The following DMXL2 variants were observed in gnomAD, a reference collection of about 807,000 sequenced individuals.
The protein encoded by DMXL2 is Dmx like 2.
In DMXL2, 103 loss-of-function variants were observed where a neutral mutation model predicts 331.1. The observed-to-expected ratio is 0.31, with a 90% confidence interval of 0.27 to 0.37. DMXL2 has a LOEUF of 0.37. Ranked by LOEUF, DMXL2 falls within the 10% of genes least tolerant of loss-of-function variation. The pLI, the probability that DMXL2 is intolerant of heterozygous loss-of-function variation, is 1.00. For synonymous variants in DMXL2, 1,281 were observed against 1,252.1 expected (o/e 1.02, Z -0.49); for missense variants, 3,171 against 3,642.9 (o/e 0.87, Z 3.33).
At chr15:51,449,368 T>A (rs532664993) in intron 43 of DMXL2, among the ~76,000 whole-genome samples, 175 bp from the exon 44 acceptor site, 145 of 152,318 alleles carry the variant, frequency 9.5e-4, no homozygotes, top group Non-Finnish European at 1.8e-3. Context: ...CACGATTCAT[T>A]TACTGTCCTC....
At chr15:51,589,037 C>T (rs2052084465) in intron 1 of DMXL2, among the ~76,000 whole-genome samples, 1 of 152,172 alleles carries the variant, frequency 6.6e-6, no homozygotes, top group Non-Finnish European at 1.5e-5. Context: ...CCCCTCCTCA[C>T]AGATGGCAGA....
intron 12 of DMXL2, among the ~76,000 whole-genome samples, 157 bp downstream of exon 12, chr15:51,536,009 G>C (rs1415962564): frequency 6.6e-6 from 1 of 152,178 alleles, no homozygotes; most frequent in African/African-American, 2.4e-5. Flanking sequence ...CTAAAAATCA[G>C]TCTCATGCCT....
chr15:51,606,633 G>A (rs933930727), intron 1 of DMXL2, among the ~76,000 whole-genome samples: 16 of 152,152 alleles, frequency 1.1e-4, no homozygotes, highest in Admixed American at 6.5e-5. Flanking sequence ...TCCCTTTTGG[G>A]TAAGATACCA....
chr15:51,563,518 G>C (rs2141039230), intron 5 of DMXL2, 71 bp from the exon 6 acceptor site: 2 of 1,052,130 alleles, frequency 1.9e-6, no homozygotes, highest in Non-Finnish European at 2.7e-6. Flanking sequence ...TGGTCAAGAT[G>C]AGATTTTTGT....
Position 51,536,647 on chromosome 15 carries a change from C to G in DMXL2, c.1833G>C (p.Met611Ile), listed in dbSNP as rs139505079. Residue 611 changes from methionine to isoleucine, a missense_variant, in exon 12 of 44, where the codon ATG (methionine) becomes ATC (isoleucine). Physicochemically the swap from Met to Ile is conservative, Grantham distance 10. This residue lies in a region of DMXL2 where 1,674 missense variants were observed against 1,780.2 expected (regional missense o/e 0.94). Coordinates refer to ENST00000560891, the MANE Select transcript of DMXL2 (RefSeq NM_001378457.1). ...AACCATCTATGTGTTTAGAGATCATCATTACTGTGGGAGCTAAGATGTTCA... is the reference window on the plus strand; with the variant it reads ...AACCATCTATGTGTTTAGAGATCATGATTACTGTGGGAGCTAAGATGTTCA... ...THMNILAPTV[M>I]MISKHIDGSL... The G allele has an allele frequency of 2.5e-6, 4 of 1,614,120 alleles. 1 individual carries two copies. In the Admixed American group the frequency reaches 5.0e-5, roughly 20 times the overall value.
At chr15:51,482,618 T>G (rs2140377593) in intron 23 of DMXL2, among the ~76,000 whole-genome samples, 1 of 152,308 alleles carries the variant, frequency 6.6e-6, no homozygotes, top group African/African-American at 2.4e-5. Flanking sequence ...AGCAGAATGC[T>G]TTGGAGGAAT....
At chr15:51,458,099 G>A (rs62018113) in intron 36 of DMXL2, 2,486 of 166,158 alleles carry the variant, frequency 0.015, 30 homozygotes, top group Non-Finnish European at 0.023. Flanking sequence ...TAGCTTCAAT[G>A]AAAAGTAAAG....
chr15:51,561,937 G>T (rs1321305618), intron 6 of DMXL2, among the ~76,000 whole-genome samples: 2 of 152,128 alleles, frequency 1.3e-5, no homozygotes, highest in Non-Finnish European at 2.9e-5. Flanking sequence ...AGCACACAAA[G>T]AAAAAGTACC....
intron 11 of DMXL2, 64 bp from the exon 12 acceptor site, chr15:51,536,926 A>G: frequency 3.8e-6 from 5 of 1,324,542 alleles, no homozygotes; most frequent in Non-Finnish European, 5.1e-6. Context: ...AAAGACTTCT[A>G]TTCTCAAAAT....
chr15:51,457,580 G>T (rs748936519), intron 36 of DMXL2, 114 bp from the exon 37 acceptor site: 32 of 1,285,488 alleles, frequency 2.5e-5, no homozygotes, highest in Non-Finnish European at 3.3e-5. Flanking sequence ...AAACTAAGTA[G>T]CCATGAGAAA....
chr15:51,488,382 A>G (rs189180244), intron 21 of DMXL2, among the ~76,000 whole-genome samples, 166 bp downstream of exon 21: 2 of 152,362 alleles, frequency 1.3e-5, no homozygotes, highest in East Asian at 3.9e-4. Flanking sequence ...CCTCTAGATT[A>G]AGCTGAAAAG....
Position 51,454,553 on chromosome 15 carries a change from G to C in DMXL2, c.8604+598C>G, listed in dbSNP as rs192940848. Among the ~76,000 whole-genome samples, 7 of 152,292 alleles carry C rather than the reference G, an allele frequency of 4.6e-5. No individual in the cohort carries two copies. The East Asian group carries it at 1.4e-3, about 29-fold the overall frequency. Reference sequence around the variant, plus strand: ...ACTCTGTTGCCCAAGCTAGAGCGCAGTGGCACAATCTCAGCTCACTGCAAC... The same window carrying C: ...ACTCTGTTGCCCAAGCTAGAGCGCACTGGCACAATCTCAGCTCACTGCAAC... On this transcript the variant is annotated intron_variant, in intron 40 of 43. Coordinates refer to ENST00000560891, the MANE Select transcript of DMXL2 (RefSeq NM_001378457.1).
rs530430068 is a variant in DMXL2 at position 51,483,171 on chromosome 15, T to TA, written c.5483-1549_5483-1548insT. 7.4e-4 allele frequency among the ~76,000 whole-genome samples: 112 copies of TA among 152,248 alleles called. 1 individual carries two copies. The Middle Eastern group carries it at 0.048, about 65-fold the overall frequency. ...GCCCTGTGTCCAGTTTGGAGAGACG[T>TA]CAGAAGTTCACGCAACGGCACTGAC... On this transcript the variant is annotated intron_variant, in intron 23 of 43. Coordinates refer to ENST00000560891, the MANE Select transcript of DMXL2 (RefSeq NM_001378457.1).
chr15:51,620,849 C>T (rs1336773997), intron 1 of DMXL2, among the ~76,000 whole-genome samples: 1 of 152,200 alleles, frequency 6.6e-6, no homozygotes, highest in African/African-American at 2.4e-5. Context: ...CTGCACAGCA[C>T]TAACAGTTCT....
Position 51,537,736 on chromosome 15 carries a change from C to T in DMXL2, c.1369G>A (p.Glu457Lys). 1 of 1,613,340 alleles carries T rather than the reference C, an allele frequency of 6.2e-7. No individual in the cohort carries two copies. Among genetic ancestry groups the T allele is most frequent in the Non-Finnish European group, 8.5e-7 (1 of 1,179,572 alleles). Residue 457 changes from glutamate (E) to lysine (K), a missense_variant, in exon 11 of 44, where the codon GAG becomes AAG. Physicochemically the swap from Glu to Lys is moderately conservative, Grantham distance 56. Coordinates refer to ENST00000560891, the MANE Select transcript of DMXL2 (RefSeq NM_001378457.1). The stretch of plus-strand genomic sequence containing the variant: ...TGTTCTGATGATCCTGTACCTGCCT[C>T]AGATTCTCTATCCAGGGATAAATCT... ...DHDLSLDRES[E>K]AGTGSSEHED...
chr15:51,509,041 T>TC (rs955646983), intron 15 of DMXL2, among the ~76,000 whole-genome samples: 1 of 152,178 alleles, frequency 6.6e-6, no homozygotes, highest in African/African-American at 2.4e-5. Flanking sequence ...AATTTTTTTT[T>TC]CTGGTATGAT....
intron 8 of DMXL2, among the ~76,000 whole-genome samples, chr15:51,545,058 T>C (rs117158337): frequency 1.5e-3 from 232 of 152,170 alleles, no homozygotes; most frequent in Non-Finnish European, 2.8e-3. Context: ...ATTTAAAAAT[T>C]ATAAAAATTA....
At chr15:51,557,303 A>C (rs1056425647) in intron 6 of DMXL2, among the ~76,000 whole-genome samples, 3 of 152,210 alleles carry the variant, frequency 2.0e-5, no homozygotes, top group Admixed American at 6.5e-5. Flanking sequence ...AAAAACATCA[A>C]ATATCTAGGA....
Position 51,536,540 on chromosome 15 carries a change from C to T in DMXL2, c.1940G>A (p.Cys647Tyr). The T allele has an allele frequency of 6.2e-7, 1 of 1,613,766 alleles. No homozygotes were observed. The highest frequency in any genetic ancestry group is 8.5e-7 in the Non-Finnish European group (1 of 1,179,896). The stretch of plus-strand genomic sequence containing the variant: ...GTCATTGAGGTGAAATCGATGACCG[C>T]AATATCTAAATTTGTGAGATACAGT... ...VLTVSHKFRY[C>Y]GHRFHLNDLA... Residue 647 changes from cysteine (C) to tyrosine (Y), a missense_variant, in exon 12 of 44, where the codon TGC (cysteine) becomes TAC (tyrosine). By Grantham distance (194) the Cys-to-Tyr change is radical (BLOSUM62 -2). Coordinates refer to ENST00000560891, the MANE Select transcript of DMXL2 (RefSeq NM_001378457.1).
Sources: gnomAD v4.1 joint callset for allele counts (sites outside exome capture counted in the v4.1 genomes callset) on GRCh38, gnomAD v4.1.1 for gene constraint, gnomAD v4.1.1 regional missense constraint, MANE v1.5 for transcripts, NCBI Gene and HGNC (gene_info 2026-07-23, HGNC 2026-07-21) for gene names.